Variants in MRAP2 observed in about 807,000 individuals in gnomAD.
MRAP2 encodes melanocortin 2 receptor accessory protein 2, also known as melanocortin-2 receptor accessory protein 2.
In MRAP2, 20 loss-of-function variants were observed where a neutral mutation model predicts 17.4. That is an observed-to-expected ratio of 1.15 (90% CI 0.81 to 1.67). The LOEUF is 1.67. Ranked by LOEUF, MRAP2 falls within the 40% of genes most tolerant of loss-of-function variation. The probability of loss-of-function intolerance (pLI) is 0.00; values close to 1 mark genes in which losing one functional copy is unlikely to be tolerated. For synonymous variants in MRAP2, 96 were observed against 88.4 expected, an observed-to-expected ratio of 1.09 and a Z score of -0.48; for missense variants, 238 against 240.0, an observed-to-expected ratio of 0.99 and a Z score of 0.05.
chr6:84,119,147 T>C, the MRAP2 span, among the ~76,000 whole-genome samples: 2 of 152,240 alleles, frequency 1.3e-5, no homozygotes, highest in South Asian at 2.1e-4. Context: ...TTGCTTATGA[T>C]TGTTTTAGCT....
In MRAP2 at chr6:84,088,227, A is replaced by G. The variant is rs185626854; in HGVS notation, c.228-864A>G. ...GCCTTTAAGGAGTCACTACCTGTGC[A>G]TGGGCAATCCTTCTTTAAGTCTGGA... On this transcript the variant is annotated intron_variant, in intron 3 of 3. Coordinates refer to ENST00000257776, the MANE Select transcript of MRAP2 (RefSeq NM_138409.4). Among the ~76,000 whole-genome samples, 20 of 152,340 alleles carry G rather than the reference A, an allele frequency of 1.3e-4. 1 individual carries two copies. In the East Asian group the frequency reaches 3.9e-3, roughly 29 times the overall value.
the MRAP2 span, among the ~76,000 whole-genome samples, chr6:84,099,645 A>G: frequency 2.6e-5 from 4 of 152,072 alleles, no homozygotes; most frequent in Admixed American, 2.0e-4. Context: ...TCAGCATGTG[A>G]TGCACCTGCT....
the MRAP2 span, chr6:84,125,234 T>C: frequency 6.2e-7 from 1 of 1,613,582 alleles, no homozygotes. Flanking sequence ...TCAACTTCTT[T>C]GTTTTGCTCA....
chr6:84,065,855 A>G (rs1588643210), intron 3 of MRAP2, among the ~76,000 whole-genome samples: 1 of 152,206 alleles, frequency 6.6e-6, no homozygotes, highest in South Asian at 2.1e-4. Context: ...TTAAGAGAAC[A>G]AAGACTGACC....
the MRAP2 span, among the ~76,000 whole-genome samples, chr6:84,141,244 C>T: frequency 2.2e-5 from 3 of 137,104 alleles, no homozygotes; most frequent in Non-Finnish European, 4.4e-5. Flanking sequence ...GTTTTTATAT[C>T]AAAAAATGAT....
At chr6:84,120,380 A>G in the MRAP2 span, among the ~76,000 whole-genome samples, 1 of 152,150 alleles carries the variant, frequency 6.6e-6, no homozygotes, top group African/African-American at 2.4e-5. Context: ...AGTGGAGGTG[A>G]CATCTAAAAT....
In MRAP2 at chr6:84,089,569, T is replaced by C. The variant is rs970708725; in HGVS notation, c.*88T>C. On this transcript the variant is annotated 3_prime_UTR_variant, in exon 4 of 4. Coordinates refer to ENST00000257776, the MANE Select transcript of MRAP2 (RefSeq NM_138409.4). Reference sequence around the variant, plus strand: ...CTACATCCACCAAAATTGTGTGTGTTTGGGGGAGAGAGAGACATAGAGATA... The same window carrying C: ...CTACATCCACCAAAATTGTGTGTGTCTGGGGGAGAGAGAGACATAGAGATA... 1.4e-6 allele frequency: 2 copies of C among 1,452,834 alleles called. No individual in the cohort carries two copies. Among genetic ancestry groups the C allele is most frequent in the Admixed American group, 2.0e-5 (1 of 50,070 alleles). 90.0% of individuals were successfully genotyped at this position (1,452,834 alleles called of 1,614,324 possible). A position where few individuals can be genotyped will look rare whatever the true frequency, so the allele number is the denominator to read the frequency against.
chr6:84,036,592 C>T (rs1203595757), intron 1 of MRAP2, among the ~76,000 whole-genome samples: 8 of 152,038 alleles, frequency 5.3e-5, no homozygotes, highest in African/African-American at 1.7e-4. Context: ...AAAGGCAGTG[C>T]AGACCCAAAG....
At chr6:84,051,600 G>A (rs1392156056) in intron 1 of MRAP2, among the ~76,000 whole-genome samples, 1 of 152,170 alleles carries the variant, frequency 6.6e-6, no homozygotes, top group African/African-American at 2.4e-5. Context: ...GCTCATGCAT[G>A]TAATCTCAGC....
At chr6:84,069,766 C>T (rs746715275) in intron 3 of MRAP2, among the ~76,000 whole-genome samples, 56 of 152,156 alleles carry the variant, frequency 3.7e-4, no homozygotes, top group Non-Finnish European at 5.9e-4. Flanking sequence ...ATTTTAATCT[C>T]GCTGCTTGTT....
At chr6:84,107,428 T>G in the MRAP2 span, among the ~76,000 whole-genome samples, 1 of 152,194 alleles carries the variant, frequency 6.6e-6, no homozygotes, top group Non-Finnish European at 1.5e-5. Context: ...TTGATTTTAT[T>G]TCCCACCCTC....
chr6:84,039,464 G>A (rs563552890), intron 1 of MRAP2, among the ~76,000 whole-genome samples: 2 of 152,308 alleles, frequency 1.3e-5, no homozygotes, highest in South Asian at 4.1e-4. Context: ...GGTGGAAACT[G>A]TGCATTTTCC....
intron 3 of MRAP2, among the ~76,000 whole-genome samples, chr6:84,073,754 G>T (rs2099496837): frequency 6.6e-6 from 1 of 152,184 alleles, no homozygotes; most frequent in Non-Finnish European, 1.5e-5. Context: ...TATAAATAAA[G>T]AAGTGTCTGC....
At chr6:84,072,562 G>T (rs1344585139) in intron 3 of MRAP2, among the ~76,000 whole-genome samples, 10 of 152,228 alleles carry the variant, frequency 6.6e-5, no homozygotes, top group African/African-American at 2.4e-4. Flanking sequence ...CTCCTGCCGG[G>T]TCATGTTGCT....
intron 1 of MRAP2, 97 bp from the exon 2 acceptor site, chr6:84,055,215 C>A (rs906495370): frequency 2.1e-6 from 3 of 1,433,638 alleles, no homozygotes; most frequent in Non-Finnish European, 2.8e-6. Context: ...AAGGGGTTTG[C>A]TGCCAAACTC....
At chr6:84,100,186 T>C in the MRAP2 span, among the ~76,000 whole-genome samples, 2 of 152,172 alleles carry the variant, frequency 1.3e-5, no homozygotes, top group African/African-American at 4.8e-5. Context: ...TTCTTCCTGT[T>C]TATTTTTGTT....
chr6:84,065,655 G>T (rs1588643054), intron 3 of MRAP2, among the ~76,000 whole-genome samples: 1 of 152,288 alleles, frequency 6.6e-6, no homozygotes, highest in East Asian at 1.9e-4. Flanking sequence ...GAAGACAGGA[G>T]ATTTTAGGAC....
chr6:84,038,560 C>T (rs1443812924), intron 1 of MRAP2, among the ~76,000 whole-genome samples: 1 of 152,096 alleles, frequency 6.6e-6, no homozygotes, highest in Non-Finnish European at 1.5e-5. Flanking sequence ...GGCATGATCA[C>T]AGCTCACTGC....
intron 3 of MRAP2, among the ~76,000 whole-genome samples, chr6:84,070,601 G>A (rs919415742): frequency 6.6e-6 from 1 of 152,196 alleles, no homozygotes; most frequent in Non-Finnish European, 1.5e-5. Flanking sequence ...GAATATATTT[G>A]TAAAGTCCAT....
Sources: allele counts gnomAD v4.1 joint callset (sites outside exome capture counted in the v4.1 genomes callset), GRCh38; gene constraint gnomAD v4.1.1; transcripts MANE v1.5; gene names NCBI Gene and HGNC (gene_info 2026-07-23, HGNC 2026-07-21).